Variants in SPRR2G observed in about 807,000 individuals in gnomAD.
The protein encoded by SPRR2G is small proline rich protein 2G.
In SPRR2G, 1 loss-of-function variant was observed where a neutral mutation model predicts 0.7. The ratio of observed to expected loss-of-function variants is 1.49; its 90% CI spans 0.53 to 7.06. SPRR2G has a LOEUF of 7.06. Among genes scored for constraint, SPRR2G ranks in the 30% most tolerant of loss-of-function variants. The pLI, the probability that SPRR2G is intolerant of heterozygous loss-of-function variation, is 0.14. For missense variants in SPRR2G, 96 were observed against 88.5 expected, an observed-to-expected ratio of 1.09 and a Z score of -0.34; for synonymous variants, 38 against 33.9, an observed-to-expected ratio of 1.12 and a Z score of -0.42.
chr1:153,163,827 G>A, the SPRR2G span, among the ~76,000 whole-genome samples: 1 of 152,114 alleles, frequency 6.6e-6, no homozygotes, highest in East Asian at 1.9e-4. Flanking sequence ...CACAGCTCTT[G>A]AGCACAGTGT....
At chr1:153,171,312 G>A in the SPRR2G span, among the ~76,000 whole-genome samples, 1 of 152,072 alleles carries the variant, frequency 6.6e-6, no homozygotes, top group Admixed American at 6.5e-5. Context: ...AACTCAAAAA[G>A]AGAGTAAATA....
the SPRR2G span, among the ~76,000 whole-genome samples, chr1:153,188,886 C>A: frequency 2.6e-5 from 4 of 152,200 alleles, no homozygotes; most frequent in African/African-American, 9.7e-5. Flanking sequence ...TCCCTCACGG[C>A]TTCCTTTGGC....
At chr1:153,179,343 G>T in the SPRR2G span, among the ~76,000 whole-genome samples, 1,642 of 152,170 alleles carry the variant, frequency 0.011, 29 homozygotes, top group African/African-American at 0.038. Context: ...AAGCTGACAC[G>T]TCAAAAGACC....
At chr1:153,188,965 C>T in the SPRR2G span, among the ~76,000 whole-genome samples, 2 of 152,194 alleles carry the variant, frequency 1.3e-5, no homozygotes, top group African/African-American at 4.8e-5. Context: ...CTTCTGCTCA[C>T]CCTCCATGGG....
chr1:153,171,400 A>C, the SPRR2G span, among the ~76,000 whole-genome samples: 1 of 151,698 alleles, frequency 6.6e-6, no homozygotes, highest in Non-Finnish European at 1.5e-5. Context: ...CTTTACACCC[A>C]CTCGCCTCCC....
chr1:153,167,480 AAAC>A, the SPRR2G span, among the ~76,000 whole-genome samples: 1 of 126,128 alleles, frequency 7.9e-6, no homozygotes, highest in African/African-American at 2.7e-5. Context: ...TCTCAAAAAA[AAAC>A]AAAAAAGAAA....
chr1:153,186,064 C>G, the SPRR2G span, among the ~76,000 whole-genome samples: 2 of 152,134 alleles, frequency 1.3e-5, no homozygotes, highest in Admixed American at 1.3e-4. Flanking sequence ...TTTGATTGCA[C>G]TGTGGTCTGA....
At chr1:153,155,658 C>T (rs537128850), upstream of SPRR2G, among the ~76,000 whole-genome samples, 1 of 152,168 alleles carries the variant, frequency 6.6e-6, no homozygotes, top group Non-Finnish European at 1.5e-5. Context: ...TTACATAGCC[C>T]TTCCTTCGCC....
chr1:153,186,590 G>A, the SPRR2G span, among the ~76,000 whole-genome samples: 1 of 151,688 alleles, frequency 6.6e-6, no homozygotes, highest in African/African-American at 2.4e-5. Context: ...GCCTATGTGT[G>A]TCTTTGCAAG....
the SPRR2G span, among the ~76,000 whole-genome samples, chr1:153,180,316 T>A: frequency 6.6e-6 from 1 of 152,170 alleles, no homozygotes; most frequent in Admixed American, 6.5e-5. Flanking sequence ...TCTAACACTG[T>A]ACATTTGTTC....
chr1:153,199,309 T>G, the SPRR2G span, among the ~76,000 whole-genome samples: 1 of 152,122 alleles, frequency 6.6e-6, no homozygotes. Flanking sequence ...TAGGAGAGCT[T>G]GCCAATGCCT....
chr1:153,169,083 T>C, the SPRR2G span, among the ~76,000 whole-genome samples: 1 of 152,178 alleles, frequency 6.6e-6, no homozygotes, highest in African/African-American at 2.4e-5. Flanking sequence ...CATTACAGAA[T>C]GAGAGGTTGG....
At chr1:153,162,754 C>T in the SPRR2G span, among the ~76,000 whole-genome samples, 1 of 152,134 alleles carries the variant, frequency 6.6e-6, no homozygotes, top group African/African-American at 2.4e-5. Flanking sequence ...GAATCCTCTC[C>T]CAACTACATC....
chr1:153,183,107 T>G, the SPRR2G span, among the ~76,000 whole-genome samples: 1 of 150,356 alleles, frequency 6.7e-6, no homozygotes, highest in Non-Finnish European at 1.5e-5. Context: ...TCACTCTTGT[T>G]GCCCAGGCTA....
upstream of SPRR2G, among the ~76,000 whole-genome samples, chr1:153,154,432 A>T (rs1281687125): frequency 6.6e-6 from 1 of 152,092 alleles, no homozygotes; most frequent in African/African-American, 2.4e-5. Flanking sequence ...TTATTAATAC[A>T]TTAGTTATTT....
At chr1:153,184,695 T>G in the SPRR2G span, among the ~76,000 whole-genome samples, 3 of 152,184 alleles carry the variant, frequency 2.0e-5, no homozygotes, top group Non-Finnish European at 4.4e-5. Context: ...TGCCTTTTAT[T>G]TCTTTCTCTT....
At chr1:153,164,130 T>A in the SPRR2G span, among the ~76,000 whole-genome samples, 1 of 152,248 alleles carries the variant, frequency 6.6e-6, no homozygotes, top group Non-Finnish European at 1.5e-5. Flanking sequence ...TAACAGGTTT[T>A]ACATGATTTT....
chr1:153,189,652 C>T, the SPRR2G span, among the ~76,000 whole-genome samples: 3 of 152,246 alleles, frequency 2.0e-5, no homozygotes, highest in South Asian at 6.2e-4. Flanking sequence ...ATTGCCAGAA[C>T]ATACAATTTA....
chr1:153,188,931 C>T, the SPRR2G span, among the ~76,000 whole-genome samples: 1 of 152,190 alleles, frequency 6.6e-6, no homozygotes, highest in African/African-American at 2.4e-5. Context: ...TTGCACTTCC[C>T]GGGTGAGGCA....
Sources: allele counts gnomAD v4.1 joint callset (sites outside exome capture counted in the v4.1 genomes callset), GRCh38; gene constraint gnomAD v4.1.1; transcripts MANE v1.5; gene names NCBI Gene and HGNC (gene_info 2026-07-23, HGNC 2026-07-21).